Variants in AGBL4 observed in about 807,000 individuals in gnomAD.
The protein encoded by AGBL4 is AGBL carboxypeptidase 4.
In AGBL4, 58 loss-of-function variants were observed where a neutral mutation model predicts 66.4. The ratio of observed to expected loss-of-function variants is 0.87; its 90% CI spans 0.71 to 1.09. The LOEUF (loss-of-function observed/expected upper bound fraction) is 1.09. Among genes scored for constraint, AGBL4 ranks in the 50% least tolerant of loss-of-function variants. The probability of loss-of-function intolerance (pLI) is 0.00; values close to 1 mark genes in which losing one functional copy is unlikely to be tolerated. For missense variants in AGBL4, 579 were observed against 631.0 expected (o/e 0.92, Z 0.88); for synonymous variants, 234 against 222.9 (o/e 1.05, Z -0.44).
chr1:48,970,939 A>G (rs187270069), intron 5 of AGBL4, among the ~76,000 whole-genome samples: 1 of 152,198 alleles, frequency 6.6e-6, no homozygotes, highest in East Asian at 1.9e-4. Flanking sequence ...AGCACCTACT[A>G]TGTCTCAGGG....
At chr1:49,299,896 T>C (rs1644712118) in intron 3 of AGBL4, among the ~76,000 whole-genome samples, 1 of 152,150 alleles carries the variant, frequency 6.6e-6, no homozygotes, top group Non-Finnish European at 1.5e-5. Flanking sequence ...CCATAGCCTG[T>C]CTATGTGGTA....
chr1:49,632,440 T>C (rs1266641929), intron 3 of AGBL4, among the ~76,000 whole-genome samples: 1 of 152,212 alleles, frequency 6.6e-6, no homozygotes, highest in Non-Finnish European at 1.5e-5. Flanking sequence ...GGAATAATTA[T>C]ATGTCAACAG....
chr1:49,009,317 G>A (rs1342731562), intron 5 of AGBL4, among the ~76,000 whole-genome samples: 1 of 152,058 alleles, frequency 6.6e-6, no homozygotes, highest in Non-Finnish European at 1.5e-5. Flanking sequence ...ACCCTCCCAA[G>A]ACTAAACCAG....
At chr1:49,046,238 G>A (rs190305250) in intron 4 of AGBL4, among the ~76,000 whole-genome samples, 76 of 152,246 alleles carry the variant, frequency 5.0e-4, no homozygotes, top group African/African-American at 1.6e-3. Context: ...TGCCTTGAAG[G>A]TAAATAAAGA....
chr1:48,937,714 T>C (rs1042891772), intron 5 of AGBL4, among the ~76,000 whole-genome samples: 1 of 152,222 alleles, frequency 6.6e-6, no homozygotes, highest in African/African-American at 2.4e-5. Flanking sequence ...TGCCTAATTA[T>C]GAATTTCACA....
intron 4 of AGBL4, among the ~76,000 whole-genome samples, chr1:49,107,421 C>A (rs188690860): frequency 3.9e-5 from 6 of 152,126 alleles, no homozygotes; most frequent in Admixed American, 3.9e-4. Flanking sequence ...CATTTTTAAG[C>A]AGAGAAGTTA....
At position 49,498,636 on chromosome 1, in the gene AGBL4, T is replaced by C. The variant is rs1166126028; in HGVS notation, c.282+198677A>G. On this transcript the variant is annotated intron_variant, in intron 3 of 13. Transcript: ENST00000371839. ...TGCATAATCTGACTCCTATGTGTAA[T>C]GTTGTTCCTGTTCTTAGAAAAAAAA... is the stretch of plus-strand genomic sequence containing the variant. Among the ~76,000 whole-genome samples the C allele has an allele frequency of 3.3e-5, 5 of 151,898 alleles. No homozygotes were observed. The East Asian group carries it at 7.9e-4, about 24-fold the overall frequency.
chr1:48,754,885 C>G (rs6669205), intron 6 of AGBL4, among the ~76,000 whole-genome samples: 20 of 151,346 alleles, frequency 1.3e-4, no homozygotes, highest in African/African-American at 4.8e-4. Flanking sequence ...GAGAGAGGCA[C>G]GCAGGACCAG....
At chr1:48,996,817 C>CCCTCCCTTCCTTCCTTCCTT (rs552565325) in intron 5 of AGBL4, among the ~76,000 whole-genome samples, 10 of 147,756 alleles carry the variant, frequency 6.8e-5, no homozygotes, top group African/African-American at 2.3e-4. Context: ...CTTCCTTCCT[C>CCCTCCCTTCCTTCCTTCCTT]CCTTCCTTCC....
chr1:48,547,352 T>C (rs764900931), intron 11 of AGBL4, among the ~76,000 whole-genome samples: 8 of 151,806 alleles, frequency 5.3e-5, no homozygotes, highest in Non-Finnish European at 1.2e-4. Context: ...GATGGGAAGA[T>C]GTATTTGTAG....
chr1:49,989,078 C>G (rs1469451598), intron 1 of AGBL4, among the ~76,000 whole-genome samples: 1 of 152,140 alleles, frequency 6.6e-6, no homozygotes, highest in Non-Finnish European at 1.5e-5. Flanking sequence ...GTCTAACAGT[C>G]CCAAGATCAC....
chr1:49,237,983 G>A (rs745791241), intron 4 of AGBL4, among the ~76,000 whole-genome samples: 2 of 151,768 alleles, frequency 1.3e-5, no homozygotes, highest in South Asian at 2.1e-4. Flanking sequence ...AAAGGGTCCG[G>A]GTTGATGTTC....
At chr1:49,430,728 A>G (rs1373566826) in intron 3 of AGBL4, among the ~76,000 whole-genome samples, 1 of 152,220 alleles carries the variant, frequency 6.6e-6, no homozygotes, top group Non-Finnish European at 1.5e-5. Context: ...CTGTGAAACT[A>G]GCACTCAGAT....
intron 11 of AGBL4, among the ~76,000 whole-genome samples, chr1:48,575,101 G>C (rs1048824536): frequency 6.6e-6 from 1 of 152,146 alleles, no homozygotes; most frequent in Admixed American, 6.5e-5. Flanking sequence ...TTACAAATGG[G>C]ATCTCGGGCA....
intron 3 of AGBL4, among the ~76,000 whole-genome samples, chr1:49,485,123 T>C (rs968510877): frequency 2.6e-5 from 4 of 151,906 alleles, no homozygotes; most frequent in Admixed American, 1.3e-4. Flanking sequence ...ACCCAAAGGA[T>C]TATAAATCAT....
At chr1:49,689,331 C>T (rs993473131) in intron 3 of AGBL4, among the ~76,000 whole-genome samples, 7 of 152,158 alleles carry the variant, frequency 4.6e-5, no homozygotes, top group Admixed American at 3.9e-4. Context: ...AAGTGACTGT[C>T]CTTTCCCCAA....
intron 6 of AGBL4, among the ~76,000 whole-genome samples, chr1:48,779,934 A>G (rs1288512277): frequency 6.6e-6 from 1 of 151,902 alleles, no homozygotes; most frequent in Admixed American, 6.6e-5. Context: ...GGCTGGTCTC[A>G]AATTCCTGAC....
intron 3 of AGBL4, among the ~76,000 whole-genome samples, chr1:49,316,450 T>C (rs1645041044): frequency 6.6e-6 from 1 of 151,506 alleles, no homozygotes; most frequent in Admixed American, 6.6e-5. Flanking sequence ...AAAAAAAAGC[T>C]CTCACAACCA....
intron 4 of AGBL4, among the ~76,000 whole-genome samples, chr1:49,134,041 A>C (rs1478151273): frequency 2.0e-5 from 3 of 151,912 alleles, no homozygotes; most frequent in South Asian, 2.1e-4. Context: ...AGTCCAAAAG[A>C]GAGAAATTTT....
Sources: allele counts gnomAD v4.1 joint callset (sites outside exome capture counted in the v4.1 genomes callset), GRCh38; gene constraint gnomAD v4.1.1; transcripts MANE v1.5; gene names NCBI Gene and HGNC (gene_info 2026-07-23, HGNC 2026-07-21).